FUBP1: variants seen among roughly 807,000 people sequenced by gnomAD.
FUBP1 encodes far upstream element binding protein 1, also known as far upstream element-binding protein 1.
FUBP1 carries 16 observed loss-of-function variants against 94.9 expected under a neutral mutation model. That is an observed-to-expected ratio of 0.17 (90% confidence interval 0.11 to 0.26). The LOEUF is 0.26. Among genes scored for constraint, FUBP1 ranks in the 10% least tolerant of loss-of-function variants. FUBP1 has a pLI of 1.00. For missense variants in FUBP1, 583 were observed against 808.6 expected, an observed-to-expected ratio of 0.72 and a Z score of 3.38; for synonymous variants, 279 against 254.9, an observed-to-expected ratio of 1.09 and a Z score of -0.90.
intron 16 of FUBP1, among the ~76,000 whole-genome samples, chr1:77,958,161 T>C (rs1262072956): frequency 6.6e-6 from 1 of 152,144 alleles, no homozygotes; most frequent in Non-Finnish European, 1.5e-5. Flanking sequence ...GAATTTGAGA[T>C]AAAACAGACT....
intron 19 of FUBP1, 90 bp from the exon 20 acceptor site, chr1:77,948,864 A>G (rs562531207): frequency 7.7e-6 from 12 of 1,563,676 alleles, no homozygotes; most frequent in Non-Finnish European, 7.9e-6. Flanking sequence ...TTTAAGAAAG[A>G]AAAAGTGGTT....
chr1:77,951,081 G>A (rs933803713), intron 18 of FUBP1, among the ~76,000 whole-genome samples: 11 of 152,194 alleles, frequency 7.2e-5, no homozygotes, highest in Non-Finnish European at 1.6e-4. Flanking sequence ...AAAAACTGGT[G>A]TGACAATAGC....
chr1:77,959,075 A>C (rs1264273293), intron 16 of FUBP1, among the ~76,000 whole-genome samples: 1 of 152,224 alleles, frequency 6.6e-6, no homozygotes, highest in Non-Finnish European at 1.5e-5. Context: ...TCCAAACAGC[A>C]CACTTCCTAT....
chr1:77,968,215 A>G lies in FUBP1; in HGVS notation c.212-12T>C, dbSNP rs1371789886. The stretch of plus-strand genomic sequence containing the variant: ...AGCATCTGGTTGATCTGCAAAATTA[A>G]GTGTCTTTTAATTTTTTGCCAATTA... On this transcript the variant is annotated splice_polypyrimidine_tract_variant and intron_variant, in intron 2 of 19. Coordinates refer to ENST00000370768, the MANE Select transcript of FUBP1 (RefSeq NM_003902.5). The G allele has an allele frequency of 1.3e-6, 2 of 1,523,654 alleles. No individual in the cohort carries two copies. The highest frequency in any genetic ancestry group is 1.8e-6 in the Non-Finnish European group (2 of 1,134,216). 94.4% of individuals were successfully genotyped at this position (1,523,654 alleles called of 1,614,324 possible).
intron 1 of FUBP1, among the ~76,000 whole-genome samples, chr1:77,970,337 T>C (rs1050688252): frequency 2.0e-5 from 3 of 152,150 alleles, no homozygotes; most frequent in Non-Finnish European, 4.4e-5. Context: ...CTTCAAAAGA[T>C]GTGTGTAAAC....
rs779792486 is a variant in FUBP1, at chr1:77,978,985, A to G, written c.20T>C (p.Val7Ala). 6.2e-7 allele frequency: 1 copy of G among 1,613,220 alleles called. No individual in the cohort carries two copies. The highest frequency in any genetic ancestry group is 1.6e-4 in the Middle Eastern group (1 of 6,062). The change falls in exon 1 of 20, where the codon GTG becomes GCG. Residue 7 changes from valine (V) to alanine (A), a missense_variant. Physicochemically the swap from Val to Ala is moderately conservative, Grantham distance 64. Transcript: ENST00000370768. MADYST[V>A]PPPSSGSAGG... ...AGCTGAGCCAGAAGAGGGGGGAGGC[A>G]CTGTTGAATAGTCTGCCATGGTTGC...
rs1651868332 is a variant in FUBP1 at position 77,945,053 on chromosome 1, T to C, written c.*3713A>G. Reference sequence around the variant, plus strand: ...ATCCAATGCATTCAAATCAACTGGCTCACCTTTTCTGCTTTCCATTTATTT... The same window carrying C: ...ATCCAATGCATTCAAATCAACTGGCCCACCTTTTCTGCTTTCCATTTATTT... On this transcript the variant is annotated 3_prime_UTR_variant, in exon 20 of 20. Transcript: ENST00000370768. 6.6e-6 allele frequency among the ~76,000 whole-genome samples: 1 copy of C among 152,040 alleles called. No individual in the cohort carries two copies. The highest frequency in any genetic ancestry group is 1.5e-5 in the Non-Finnish European group (1 of 67,890).
chr1:77,964,373 TA>T lies in FUBP1; in HGVS notation c.838-18del. On this transcript the variant is annotated intron_variant, in intron 10 of 19. Transcript: ENST00000370768. ...AATGGGGACCTTATGTAAAAAAGAC[TA>T]AGTATTAAGAAAGCTAGCTTCTCAG... is the stretch of plus-strand genomic sequence containing the variant. The T allele has an allele frequency of 7.0e-7, 1 of 1,434,882 alleles. No homozygotes were observed. The highest frequency in any genetic ancestry group is 9.7e-7 in the Non-Finnish European group (1 of 1,028,672). The allele number at this position is 1,434,882 out of a possible 1,614,324, so 88.9% of individuals were successfully genotyped here.
At chr1:77,961,549 T>C (rs1655485298) in intron 14 of FUBP1, among the ~76,000 whole-genome samples, 1 of 152,182 alleles carries the variant, frequency 6.6e-6, no homozygotes, top group South Asian at 2.1e-4. Flanking sequence ...TAGATACCAT[T>C]ATCTTCATTT....
intron 2 of FUBP1, among the ~76,000 whole-genome samples, chr1:77,969,712 C>T (rs899040770): frequency 6.6e-6 from 1 of 151,900 alleles, no homozygotes; most frequent in African/African-American, 2.4e-5. Flanking sequence ...TAAGACAAAA[C>T]TTCCTTTTTT....
At chr1:77,955,143 G>A (rs1016966435) in intron 18 of FUBP1, 112 bp downstream of exon 18, 13 of 601,064 alleles carry the variant, frequency 2.2e-5, no homozygotes, top group Admixed American at 1.0e-4. Context: ...ATTTACAACT[G>A]TCTTGATATG....
intron 13 of FUBP1, 99 bp downstream of exon 13, chr1:77,963,475 G>A: frequency 1.6e-6 from 1 of 606,728 alleles, no homozygotes; most frequent in East Asian, 2.9e-5. Flanking sequence ...ACTAAAATAC[G>A]GTCAGAGAAA....
intron 2 of FUBP1, 131 bp from the exon 3 acceptor site, chr1:77,968,334 C>G (rs1303334864): frequency 1.6e-6 from 1 of 622,570 alleles, no homozygotes; most frequent in South Asian, 2.0e-5. Context: ...TGAACCAAAA[C>G]TGCCAAAATT....
intron 12 of FUBP1, 35 bp downstream of exon 12, chr1:77,964,027 A>G (rs370090404): frequency 1.0e-5 from 13 of 1,280,852 alleles, no homozygotes; most frequent in African/African-American, 2.9e-5. Flanking sequence ...TTTTCCATAA[A>G]AACAAAAAAT....
intron 1 of FUBP1, 88 bp downstream of exon 1, chr1:77,978,797 T>G: frequency 4.7e-6 from 7 of 1,493,832 alleles, no homozygotes; most frequent in African/African-American, 4.1e-5. Context: ...CTCTTTCCTC[T>G]TCCTCATGCG....
rs190165151 is a variant in FUBP1, at chr1:77,945,647, G to A, written c.*3119C>T. ...GTGCTTGCAGCATCTTCAGCACTGT[G>A]TGTGAAAATGAAGGCAGTATTTTTG... On this transcript the variant is annotated 3_prime_UTR_variant, in exon 20 of 20. Transcript: ENST00000370768. 6.1e-5 allele frequency: 13 copies of A among 212,002 alleles called. No homozygotes were observed. The highest frequency in any genetic ancestry group is 2.9e-4 in the African/African-American group (13 of 44,252). The allele number at this position is 212,002 out of a possible 1,614,324, so 13.1% of individuals were successfully genotyped here. A position where few individuals can be genotyped will look rare whatever the true frequency, so the allele number is the denominator to read the frequency against.
upstream of FUBP1, chr1:77,979,214 C>T: frequency 1.8e-6 from 1 of 556,346 alleles, no homozygotes; most frequent in Non-Finnish European, 3.2e-6. Flanking sequence ...ACGACAGGAA[C>T]AGAGACGTCG....
At chr1:77,967,145 C>CT in intron 4 of FUBP1, 44 bp from the exon 5 acceptor site, 2 of 1,218,750 alleles carry the variant, frequency 1.6e-6, no homozygotes, top group Non-Finnish European at 2.4e-6. Context: ...ATGAAAGATA[C>CT]TTTGTTTACA....
intron 18 of FUBP1, among the ~76,000 whole-genome samples, chr1:77,950,569 A>G (rs1653250436): frequency 6.6e-6 from 1 of 152,248 alleles, no homozygotes; most frequent in Non-Finnish European, 1.5e-5. Context: ...AAAATGATGA[A>G]GCTGAGTGTC....
Sources: gnomAD v4.1 joint callset for allele counts (sites outside exome capture counted in the v4.1 genomes callset) on GRCh38, gnomAD v4.1.1 for gene constraint, MANE v1.5 for transcripts, NCBI Gene and HGNC (gene_info 2026-07-23, HGNC 2026-07-21) for gene names.